The following DNAH3 variants were observed in gnomAD, a reference collection of about 807,000 sequenced individuals.
DNAH3 encodes dynein axonemal heavy chain 3.
Under a neutral mutation model 432.5 loss-of-function variants are expected in DNAH3, and 332 were observed. The observed-to-expected ratio is 0.77, with a 90% CI of 0.70 to 0.84. The LOEUF (loss-of-function observed/expected upper bound fraction) is 0.84, where lower values mean the gene tolerates loss of function less well. DNAH3 is among the 40% of genes least tolerant of loss of function. DNAH3 has a pLI of 0.00. For missense variants in DNAH3, 4,861 were observed against 5,114.0 expected, an observed-to-expected ratio of 0.95 and a Z score of 1.51; for synonymous variants, 1,956 against 1,900.2, an observed-to-expected ratio of 1.03 and a Z score of -0.76.
intron 19 of DNAH3, among the ~76,000 whole-genome samples, chr16:21,083,376 T>C (rs1428926242): frequency 6.6e-6 from 1 of 152,196 alleles, no homozygotes; most frequent in Non-Finnish European, 1.5e-5. Flanking sequence ...CCAGAAGTAG[T>C]TACCGTTGAA....
intron 47 of DNAH3, 76 bp downstream of exon 47, chr16:20,987,229 A>C: frequency 6.4e-7 from 1 of 1,563,034 alleles, no homozygotes; most frequent in South Asian, 1.2e-5. Flanking sequence ...CAGGAAGGGA[A>C]CCTGAAATCT....
intron 44 of DNAH3, 24 bp from the exon 45 acceptor site, chr16:20,988,089 A>T: frequency 6.2e-7 from 1 of 1,612,918 alleles, no homozygotes. Context: ...CACACAAGTG[A>T]ATCATCCTGG....
At chr16:21,120,732 C>T (rs1312686860) in intron 11 of DNAH3, 26 of 1,603,936 alleles carry the variant, frequency 1.6e-5, no homozygotes, top group Non-Finnish European at 2.1e-5. Context: ...TAGTACCGGC[C>T]CTGGTACCTG....
chr16:21,032,319 C>T (rs1340313010), intron 36 of DNAH3, among the ~76,000 whole-genome samples: 2 of 152,178 alleles, frequency 1.3e-5, no homozygotes, highest in Non-Finnish European at 2.9e-5. Context: ...GCTAGTTTGG[C>T]CCCGAAATCG....
intron 18 of DNAH3, among the ~76,000 whole-genome samples, chr16:21,093,253 T>A (rs1250587689): frequency 6.6e-6 from 1 of 152,170 alleles, no homozygotes; most frequent in African/African-American, 2.4e-5. Flanking sequence ...CATATTCTTA[T>A]CATATAATCC....
chr16:21,041,015 A>G (rs1427804884), intron 32 of DNAH3, among the ~76,000 whole-genome samples: 2 of 152,026 alleles, frequency 1.3e-5, no homozygotes, highest in African/African-American at 4.8e-5. Context: ...GCTTGTGACG[A>G]TCTAATATGG....
At chr16:21,039,264 G>C (rs958713826) in intron 33 of DNAH3, among the ~76,000 whole-genome samples, 2 of 138,782 alleles carry the variant, frequency 1.4e-5, no homozygotes, top group African/African-American at 5.5e-5. Context: ...CGTCACCCAG[G>C]CTGGAGTGCA....
chr16:21,020,367 T>TATATATATATATATATATAA (rs2088117119), intron 40 of DNAH3, among the ~76,000 whole-genome samples: 8 of 81,532 alleles, frequency 9.8e-5, no homozygotes, highest in East Asian at 2.9e-4. Context: ...TATATATATA[T>TATATATATATATATATATAA]AAAATCACTA....
chr16:21,047,930 C>A (rs1387526874), intron 31 of DNAH3, among the ~76,000 whole-genome samples: 1 of 151,820 alleles, frequency 6.6e-6, no homozygotes, highest in East Asian at 1.9e-4. Context: ...TTGGAGTACC[C>A]TGCCGTGTGA....
intron 41 of DNAH3, among the ~76,000 whole-genome samples, chr16:21,005,079 CTT>C (rs2087209941): frequency 6.6e-6 from 1 of 152,188 alleles, no homozygotes; most frequent in Non-Finnish European, 1.5e-5. Context: ...ACACAGACCA[CTT>C]AAGAGTTCTT....
chr16:21,064,844 C>CATAA (rs10637545), intron 24 of DNAH3, among the ~76,000 whole-genome samples: 106,003 of 150,678 alleles, frequency 0.7, 37,605 homozygotes, highest in East Asian at 1. Flanking sequence ...TATAAAAATG[C>CATAA]ATAAATATTG....
At chr16:21,143,493 T>G (rs1567868069) in intron 3 of DNAH3, among the ~76,000 whole-genome samples, 1 of 152,190 alleles carries the variant, frequency 6.6e-6, no homozygotes, top group Non-Finnish European at 1.5e-5. Context: ...CTTTACAGAC[T>G]CCAGAACCAC....
intron 44 of DNAH3, among the ~76,000 whole-genome samples, chr16:20,993,878 T>G (rs890926081): frequency 6.6e-6 from 1 of 152,156 alleles, no homozygotes; most frequent in South Asian, 2.1e-4. Context: ...CCCACTCTTT[T>G]ATGCTGTTTA....
Position 20,963,859 on chromosome 16 carries a change from A to AGTTCCTC in DNAH3, c.10018_10024dup (p.Leu3342ArgfsTer12), listed in dbSNP as rs1353218867. 3 of 1,614,006 alleles carry AGTTCCTC rather than the reference A, an allele frequency of 1.9e-6. No individual in the cohort carries two copies. The highest frequency in any genetic ancestry group is 2.5e-6 in the Non-Finnish European group (3 of 1,180,040). On this transcript the variant is annotated frameshift_variant, in exon 53 of 62. Coordinates refer to ENST00000261383, the Ensembl canonical transcript of DNAH3. LOFTEE classifies it high-confidence loss of function. The stretch of plus-strand genomic sequence containing the variant: ...AATGATGTACTTGATGCGCAGATTC[A>AGTTCCTC]GTTCCTCGCTCTTCGTGCTGTGGGT...
Position 21,034,046 on chromosome 16 carries a change from C to T in DNAH3, c.5125G>A (p.Val1709Ile), listed in dbSNP as rs144828388. The T allele has an allele frequency of 3.7e-5, 60 of 1,613,666 alleles. No homozygotes were observed. In the African/African-American group the frequency reaches 6.9e-4, roughly 19 times the overall value. Residue 1709 changes from valine (V) to isoleucine (I), a missense_variant, in exon 36 of 62, where the codon GTA (valine) becomes ATA (isoleucine). By Grantham distance (29) the Val-to-Ile change is conservative. Transcript: ENST00000261383. ...GTCTTGCCGCCCATGGGGTCTCCTA[C>T]AATCATATAGCCATGTCTCACCAGC...
At chr16:21,067,761 G>T (rs1279694938) in intron 23 of DNAH3, among the ~76,000 whole-genome samples, 1 of 87,644 alleles carries the variant, frequency 1.1e-5, no homozygotes. Context: ...CAGTCTTGGG[G>T]GGGGGGGTGG....
intron 23 of DNAH3, among the ~76,000 whole-genome samples, 197 bp from the exon 24 acceptor site, chr16:21,067,616 G>GGATT (rs2090601397): frequency 6.6e-6 from 1 of 151,740 alleles, no homozygotes; most frequent in Non-Finnish European, 1.5e-5. Flanking sequence ...GACTGGGCAG[G>GGATT]GATTGGGTAC....
At chr16:21,097,264 G>T (rs745960487) in intron 18 of DNAH3, 91 bp downstream of exon 18, 2 of 1,484,776 alleles carry the variant, frequency 1.3e-6, no homozygotes, top group Non-Finnish European at 9.3e-7. Context: ...AGTCCAGCCA[G>T]ATTCTTAAGT....
intron 38 of DNAH3, among the ~76,000 whole-genome samples, chr16:21,025,564 A>G (rs909189265): frequency 2.7e-5 from 4 of 149,966 alleles, no homozygotes; most frequent in South Asian, 4.2e-4. Flanking sequence ...TAATTACATT[A>G]TTACATTATC....
Sources: allele counts gnomAD v4.1 joint callset (sites outside exome capture counted in the v4.1 genomes callset), GRCh38; gene constraint gnomAD v4.1.1; transcripts MANE v1.5; gene names NCBI Gene and HGNC (gene_info 2026-07-23, HGNC 2026-07-21).